The following NXN variants were observed in gnomAD, a reference collection of about 807,000 sequenced individuals.
The protein encoded by NXN is nucleoredoxin 1.
Under a neutral mutation model 48.6 loss-of-function variants are expected in NXN, and 16 were observed. That is an observed-to-expected ratio of 0.33 (90% confidence interval 0.22 to 0.50). The LOEUF (loss-of-function observed/expected upper bound fraction) is 0.50. Ranked by LOEUF, NXN falls within the 20% of genes least tolerant of loss-of-function variation. The pLI is 0.98. For missense variants in NXN, 492 were observed against 605.5 expected (o/e 0.81, Z 1.97); for synonymous variants, 281 against 269.6 (o/e 1.04, Z -0.41).
intron 1 of NXN, among the ~76,000 whole-genome samples, chr17:837,986 A>G (rs1271651743): frequency 6.6e-6 from 1 of 152,192 alleles, no homozygotes; most frequent in African/African-American, 2.4e-5. Context: ...GCCACCGAGC[A>G]TGATATATGC....
chr17:805,020 T>TGCCCCC, intron 6 of NXN, 48 bp downstream of exon 6: 113 of 1,512,642 alleles, frequency 7.5e-5, no homozygotes, highest in Middle Eastern at 2.3e-4. Flanking sequence ...GCCCCTCCTG[T>TGCCCCC]CCCGCCCCCC....
chr17:890,370 G>T (rs1416609585), intron 1 of NXN, among the ~76,000 whole-genome samples: 1 of 151,958 alleles, frequency 6.6e-6, no homozygotes, highest in African/African-American at 2.4e-5. Context: ...CACAAAGAAA[G>T]AAATTTTTCT....
At chr17:875,617 G>C (rs913784591) in intron 1 of NXN, among the ~76,000 whole-genome samples, 2 of 151,712 alleles carry the variant, frequency 1.3e-5, no homozygotes, top group African/African-American at 4.8e-5. Flanking sequence ...TTTGTTTTAA[G>C]ATTCTGCTCT....
At chr17:802,655 A>G (rs2467255) in intron 7 of NXN, among the ~76,000 whole-genome samples, 98,579 of 151,982 alleles carry the variant, frequency 0.65, 32,378 homozygotes, top group East Asian at 0.83. Flanking sequence ...TGCAGTGGCC[A>G]GTGCCACCCC....
At chr17:950,599 A>G (rs188857346) in intron 1 of NXN, among the ~76,000 whole-genome samples, 6 of 152,208 alleles carry the variant, frequency 3.9e-5, no homozygotes, top group African/African-American at 1.4e-4. Context: ...AGGCCAGCAC[A>G]GTCATTTCAT....
chr17:880,655 C>A (rs1007894467), intron 1 of NXN, among the ~76,000 whole-genome samples: 2 of 152,166 alleles, frequency 1.3e-5, no homozygotes, highest in Admixed American at 6.6e-5. Flanking sequence ...CCCACAGAAT[C>A]TTCCAAGTTC....
At chr17:803,835 C>T (rs576153821) in intron 6 of NXN, 29 bp from the exon 7 acceptor site, 66 of 1,612,906 alleles carry the variant, frequency 4.1e-5, no homozygotes, top group South Asian at 1.1e-4. Flanking sequence ...TAGAAAAAGA[C>T]GGGGAGAAAA....
chr17:894,677 T>C (rs2467259), intron 1 of NXN, among the ~76,000 whole-genome samples: 144,803 of 151,870 alleles, frequency 0.95, 69,193 homozygotes, highest in African/African-American at 0.99. Context: ...AGCATCTCAA[T>C]GCCCAGAACC....
At chr17:868,468 T>TG (rs1451538422) in intron 1 of NXN, among the ~76,000 whole-genome samples, 4 of 150,428 alleles carry the variant, frequency 2.7e-5, no homozygotes, top group African/African-American at 1.0e-4. Context: ...TGTCTTTTTT[T>TG]GTTTTTTTTT....
At chr17:885,125 A>G (rs574943434) in intron 1 of NXN, among the ~76,000 whole-genome samples, 3 of 152,360 alleles carry the variant, frequency 2.0e-5, no homozygotes, top group African/African-American at 4.8e-5. Context: ...TCAGGCTGAC[A>G]TGTCCCATCA....
At chr17:867,388 A>G (rs2068105210) in intron 1 of NXN, among the ~76,000 whole-genome samples, 1 of 151,794 alleles carries the variant, frequency 6.6e-6, no homozygotes, top group Non-Finnish European at 1.5e-5. Context: ...CAGCATGGTC[A>G]GCAAGTTCTC....
At chr17:895,647 CT>C (rs1162309408) in intron 1 of NXN, among the ~76,000 whole-genome samples, 1 of 38,942 alleles carries the variant, frequency 2.6e-5, no homozygotes, top group Non-Finnish European at 4.8e-5. Flanking sequence ...CCCGTCTCTA[CT>C]TAAAATACAA....
intron 1 of NXN, among the ~76,000 whole-genome samples, chr17:840,034 T>G (rs1253387234): frequency 6.8e-6 from 1 of 147,994 alleles, no homozygotes; most frequent in East Asian, 2.0e-4. Context: ...GAGGTGGAGG[T>G]TGCAGTGAGC....
At chr17:914,043 A>G (rs2144931185) in intron 1 of NXN, among the ~76,000 whole-genome samples, 1 of 151,896 alleles carries the variant, frequency 6.6e-6, no homozygotes, top group East Asian at 1.9e-4. Context: ...GGGACTCCAG[A>G]CACCCACCAC....
chr17:914,054 C>T (rs1434876996), intron 1 of NXN, among the ~76,000 whole-genome samples: 1 of 152,168 alleles, frequency 6.6e-6, no homozygotes, highest in Non-Finnish European at 1.5e-5. Context: ...CACCCACCAC[C>T]ACACCCAGCT....
At chr17:851,379 AG>A (rs1385245915) in intron 1 of NXN, among the ~76,000 whole-genome samples, 1 of 152,276 alleles carries the variant, frequency 6.6e-6, no homozygotes, top group Admixed American at 6.5e-5. Flanking sequence ...GATGCTTAGA[AG>A]GCATGAGCGG....
At chr17:895,824 A>AACAG (rs1348792667) in intron 1 of NXN, among the ~76,000 whole-genome samples, 1 of 149,634 alleles carries the variant, frequency 6.7e-6, no homozygotes, top group Admixed American at 6.7e-5. Context: ...CAAACAAACA[A>AACAG]ACAAAAAAAC....
intron 1 of NXN, among the ~76,000 whole-genome samples, chr17:853,839 C>T (rs1166067018): frequency 3.3e-5 from 5 of 151,386 alleles, no homozygotes; most frequent in Admixed American, 2.6e-4. Context: ...TTCTCCTGCC[C>T]CAGCCTCCCA....
At chr17:922,912 A>C (rs2068762798) in intron 1 of NXN, among the ~76,000 whole-genome samples, 1 of 151,418 alleles carries the variant, frequency 6.6e-6, no homozygotes, top group African/African-American at 2.4e-5. Context: ...TCGGCCTCCC[A>C]AAGTGCTGGG....
Sources: gnomAD v4.1 joint callset for allele counts (sites outside exome capture counted in the v4.1 genomes callset) on GRCh38, gnomAD v4.1.1 for gene constraint, MANE v1.5 for transcripts, NCBI Gene and HGNC (gene_info 2026-07-23, HGNC 2026-07-21) for gene names.